Variants in DCAKD observed in about 807,000 individuals in gnomAD.
DCAKD encodes dephospho-CoA kinase domain-containing protein.
In DCAKD, 15 loss-of-function variants were observed where a neutral mutation model predicts 18.7. The ratio of observed to expected loss-of-function variants is 0.80; its 90% CI spans 0.54 to 1.24. DCAKD has a LOEUF of 1.24. DCAKD is among the 50% of genes most tolerant of loss of function. The pLI is 0.00. For synonymous variants in DCAKD, 130 were observed against 133.0 expected (o/e 0.98, Z 0.16); for missense variants, 301 against 322.0 (o/e 0.93, Z 0.50).
At chr17:45,033,862 T>C (rs1398760471) in intron 3 of DCAKD, 5 of 1,265,214 alleles carry the variant, frequency 4.0e-6, no homozygotes, top group East Asian at 8.7e-5. Context: ...GGGTTGGGAT[T>C]TGAACTCAGA....
At chr17:45,055,897 G>A (rs968859528), upstream of DCAKD, among the ~76,000 whole-genome samples, 1 of 152,186 alleles carries the variant, frequency 6.6e-6, no homozygotes, top group Non-Finnish European at 1.5e-5. Context: ...GCTCACACCT[G>A]TACTCCCAGC....
chr17:45,031,455 G>T, intron 3 of DCAKD: 1 of 948,290 alleles, frequency 1.1e-6, no homozygotes, highest in Non-Finnish European at 1.3e-6. Context: ...CTACTTCACA[G>T]GATGATGGTA....
rs772442497 is a variant in DCAKD at position 45,024,719 on chromosome 17, C to T, written c.410G>A (p.Arg137Gln). The T allele has an allele frequency of 1.3e-5, 21 of 1,573,410 alleles. No individual in the cohort carries two copies. The highest frequency in any genetic ancestry group is 3.5e-4 in the Middle Eastern group (2 of 5,646). Residue 137 changes from arginine to glutamine, a missense_variant, in exon 5 of 5, where the codon CGG (arginine) becomes CAG (glutamine). By Grantham distance (43) the Arg-to-Gln change is conservative. Coordinates refer to ENST00000651974, the MANE Select transcript of DCAKD (RefSeq NM_001288655.2). ...MKHTVVVYCD[R>Q]DTQLARLMRR... ...CATCAGCCGTGCCAGCTGTGTGTCCCGGTCGCTAAGGATAGGGCAAAAGGG... is the reference window on the plus strand; with the variant it reads ...CATCAGCCGTGCCAGCTGTGTGTCCTGGTCGCTAAGGATAGGGCAAAAGGG...
At chr17:45,026,771 G>A in intron 4 of DCAKD, 10 of 985,362 alleles carry the variant, frequency 1.0e-5, no homozygotes, top group Non-Finnish European at 1.2e-5. Flanking sequence ...TACCCACCTC[G>A]CTGAGAACAA....
intron 1 of DCAKD, among the ~76,000 whole-genome samples, chr17:45,042,468 C>A (rs1231745977): frequency 1.3e-5 from 2 of 152,244 alleles, no homozygotes; most frequent in Non-Finnish European, 2.9e-5. Flanking sequence ...CGGCTTGCAG[C>A]CCCTGTCCTC....
chr17:45,029,802 C>T (rs2053137255), intron 4 of DCAKD, among the ~76,000 whole-genome samples: 1 of 152,140 alleles, frequency 6.6e-6, no homozygotes, highest in South Asian at 2.1e-4. Flanking sequence ...CACTGAGTAA[C>T]AGTGGCCCAG....
In DCAKD at chr17:45,024,682, G is replaced by C; in HGVS notation, c.447C>G (p.Ser149Arg). The C allele has an allele frequency of 6.2e-7, 1 of 1,601,184 alleles. No homozygotes were observed. Among genetic ancestry groups the C allele is most frequent in the Non-Finnish European group, 8.5e-7 (1 of 1,170,324 alleles). Residue 149 changes from serine (S) to arginine (R), a missense_variant, in exon 5 of 5, where the codon AGC (serine) becomes AGG (arginine). Ser to Arg is a moderately radical substitution (Grantham distance 110). Coordinates refer to ENST00000651974, the MANE Select transcript of DCAKD (RefSeq NM_001288655.2). ...GGGCCTCTGCGTCCTTGCGGTTCAG[G>C]CTGTTCCGCCGCATCAGCCGTGCCA... ...TQLARLMRRN[S>R]LNRKDAEARI...
At chr17:45,037,771 T>C (rs1043259187) in intron 1 of DCAKD, among the ~76,000 whole-genome samples, 2 of 138,086 alleles carry the variant, frequency 1.4e-5, no homozygotes, top group African/African-American at 5.4e-5. Context: ...CAAGAGCTTT[T>C]TTTTTTTTTT....
chr17:45,053,629 C>T (rs971656681), upstream of DCAKD, among the ~76,000 whole-genome samples: 13 of 152,202 alleles, frequency 8.5e-5, no homozygotes, highest in Non-Finnish European at 1.3e-4. Context: ...CCACGTTGGC[C>T]GGGCTGGTCT....
Position 45,024,461 on chromosome 17 carries a change from A to G in DCAKD, c.668T>C (p.Leu223Pro). 2 of 1,611,320 alleles carry G rather than the reference A, an allele frequency of 1.2e-6. No individual in the cohort carries two copies. The highest frequency in any genetic ancestry group is 8.5e-7 in the Non-Finnish European group (1 of 1,177,720). The change falls in exon 5 of 5, where the codon CTC becomes CCC. Residue 223 changes from leucine (L) to proline (P), a missense_variant. Transcript: ENST00000651974. ...LAAIASLLYLLTHYLLPYA is the reference protein window; with the variant it reads ...LAAIASLLYLPTHYLLPYA ...GGCGTAAGGCAGAAGGTAGTGGGTG[A>G]GCAGGTAGAGGAGGCTGGCAATGGC...
upstream of DCAKD, among the ~76,000 whole-genome samples, chr17:45,053,720 C>T (rs1351162830): frequency 6.6e-6 from 1 of 151,736 alleles, no homozygotes; most frequent in Non-Finnish European, 1.5e-5. Context: ...ATGCCCAGCA[C>T]ATCTGGCTAA....
At chr17:45,024,766 C>T in intron 4 of DCAKD, 42 bp from the exon 5 acceptor site, 2 of 1,520,994 alleles carry the variant, frequency 1.3e-6, no homozygotes, top group Non-Finnish European at 1.8e-6. Flanking sequence ...CTGCCTCCCT[C>T]TCACCCCAAG....
chr17:45,030,197 A>G lies in DCAKD; in HGVS notation c.317-18T>C. ...GCGGTATCCTGGGGAGAGGTTGGAAATCCCCCAAGTTCAATTCTGCAAGCG... is the reference window on the plus strand; with the variant it reads ...GCGGTATCCTGGGGAGAGGTTGGAAGTCCCCCAAGTTCAATTCTGCAAGCG... On this transcript the variant is annotated intron_variant, in intron 3 of 4. Coordinates refer to ENST00000651974, the MANE Select transcript of DCAKD (RefSeq NM_001288655.2). 1.2e-6 allele frequency: 2 copies of G among 1,609,958 alleles called. No homozygotes were observed. The highest frequency in any genetic ancestry group is 1.7e-6 in the Non-Finnish European group (2 of 1,176,252).
intron 2 of DCAKD, 57 bp downstream of exon 2, chr17:45,034,717 G>A (rs1170031265): frequency 6.4e-7 from 1 of 1,563,346 alleles, no homozygotes; most frequent in Non-Finnish European, 8.7e-7. Flanking sequence ...CATGGCAGAA[G>A]GCCGGAAGCG....
intron 1 of DCAKD, among the ~76,000 whole-genome samples, chr17:45,057,574 G>A (rs1438384354): frequency 6.6e-6 from 1 of 151,434 alleles, no homozygotes; most frequent in Non-Finnish European, 1.5e-5. Flanking sequence ...ATGGCGGTGT[G>A]TGCCTGTAAT....
chr17:45,047,753 T>C (rs1242538420), intron 1 of DCAKD, among the ~76,000 whole-genome samples: 3 of 152,102 alleles, frequency 2.0e-5, no homozygotes, highest in Non-Finnish European at 4.4e-5. Flanking sequence ...TCCGCCCACC[T>C]TGGCCTCCCA....
At chr17:45,055,724 T>A (rs2053772342), upstream of DCAKD, among the ~76,000 whole-genome samples, 1 of 152,162 alleles carries the variant, frequency 6.6e-6, no homozygotes, top group African/African-American at 2.4e-5. Flanking sequence ...CTCCCCACTT[T>A]CTTAGGCACT....
chr17:45,052,182 A>G (rs2053722294), upstream of DCAKD, among the ~76,000 whole-genome samples: 1 of 152,042 alleles, frequency 6.6e-6, no homozygotes, highest in Non-Finnish European at 1.5e-5. Flanking sequence ...CCCGACCCGG[A>G]GCCATAAATT....
rs1019882971 is a variant in DCAKD, at chr17:45,024,020, G to A, written c.*413C>T. The A allele has an allele frequency of 3.9e-4, 69 of 174,948 alleles. No individual in the cohort carries two copies. The highest frequency in any genetic ancestry group is 5.1e-4 in the Non-Finnish European group (42 of 81,580). The allele number at this position is 174,948 out of a possible 1,614,324, so 10.8% of individuals were successfully genotyped here. On this transcript the variant is annotated 3_prime_UTR_variant, in exon 5 of 5. Transcript: ENST00000651974. Reference sequence around the variant, plus strand: ...ACTGAGGAGGTTTAGGCCACAATGGGGTAGGTGCTTAGAGAGGATTCAAGC... The same window carrying A: ...ACTGAGGAGGTTTAGGCCACAATGGAGTAGGTGCTTAGAGAGGATTCAAGC...
Sources: allele counts gnomAD v4.1 joint callset (sites outside exome capture counted in the v4.1 genomes callset), GRCh38; gene constraint gnomAD v4.1.1; transcripts MANE v1.5; gene names NCBI Gene and HGNC (gene_info 2026-07-23, HGNC 2026-07-21).